The following RBFOX1 variants were observed in gnomAD, a reference collection of about 807,000 sequenced individuals.
RBFOX1 encodes the protein RNA binding protein fox-1 homolog 1.
In RBFOX1, 8 loss-of-function variants were observed where a neutral mutation model predicts 57.7. The ratio of observed to expected loss-of-function variants is 0.14; its 90% CI spans 0.08 to 0.25. The LOEUF is 0.25. Among genes scored for constraint, RBFOX1 ranks in the 10% least tolerant of loss-of-function variants. RBFOX1 has a pLI of 1.00. For missense variants in RBFOX1, 611 were observed against 548.5 expected, an observed-to-expected ratio of 1.11 and a Z score of -1.14; for synonymous variants, 326 against 222.4, an observed-to-expected ratio of 1.47 and a Z score of -4.15.
intron 4 of RBFOX1, among the ~76,000 whole-genome samples, chr16:7,297,829 T>C (rs949057220): frequency 1.3e-5 from 2 of 151,890 alleles, no homozygotes; most frequent in African/African-American, 4.8e-5. Context: ...TCCCCCCCAA[T>C]AGCCCCTCCT....
intron 3 of RBFOX1, among the ~76,000 whole-genome samples, chr16:6,829,096 C>G (rs939874551): frequency 1.6e-4 from 24 of 152,096 alleles, no homozygotes; most frequent in African/African-American, 4.3e-4. Flanking sequence ...GGGGACCTCC[C>G]CAAGCCCACT....
chr16:7,643,976 G>C (rs1348649247), intron 11 of RBFOX1, among the ~76,000 whole-genome samples: 1 of 152,162 alleles, frequency 6.6e-6, no homozygotes, highest in Admixed American at 6.5e-5. Flanking sequence ...TGATGAATTG[G>C]GGCTGGCTCT....
At chr16:6,351,362 A>G (rs1404619701) in intron 2 of RBFOX1, among the ~76,000 whole-genome samples, 9 of 96,012 alleles carry the variant, frequency 9.4e-5, no homozygotes, top group African/African-American at 1.6e-4. Flanking sequence ...GTATATATAT[A>G]TATATATATA....
At chr16:5,444,304 T>C (rs889196439) in intron 1 of RBFOX1, among the ~76,000 whole-genome samples, 1 of 152,216 alleles carries the variant, frequency 6.6e-6, no homozygotes. Context: ...AACATTTATA[T>C]TCAAATCTGA....
intron 1 of RBFOX1, among the ~76,000 whole-genome samples, chr16:6,111,948 C>T (rs1046257511): frequency 7.9e-5 from 12 of 152,084 alleles, no homozygotes; most frequent in African/African-American, 2.7e-4. Context: ...ACTTAAGAAA[C>T]ATATGCTAAA....
intron 2 of RBFOX1, among the ~76,000 whole-genome samples, chr16:6,542,862 A>C (rs76022245): frequency 0.027 from 4,108 of 152,018 alleles, 165 homozygotes; most frequent in South Asian, 0.074. Flanking sequence ...TAAGTCTGTA[A>C]ACTTCATTGG....
intron 1 of RBFOX1, among the ~76,000 whole-genome samples, chr16:5,332,354 G>C (rs2064778899): frequency 6.6e-6 from 1 of 151,888 alleles, no homozygotes; most frequent in Non-Finnish European, 1.5e-5. Context: ...TGCAACCTCT[G>C]CTTCCTGGGT....
chr16:7,169,553 G>A (rs1284194187), intron 4 of RBFOX1, among the ~76,000 whole-genome samples: 2 of 152,194 alleles, frequency 1.3e-5, no homozygotes, highest in African/African-American at 4.8e-5. Flanking sequence ...TAGAAAAACA[G>A]TGATGTACAT....
At chr16:5,483,597 A>G (rs2069622040) in intron 2 of RBFOX1, among the ~76,000 whole-genome samples, 1 of 152,192 alleles carries the variant, frequency 6.6e-6, no homozygotes, top group Admixed American at 6.5e-5. Context: ...AAATACGGTG[A>G]ACTTGCTACC....
chr16:6,394,118 T>C (rs1273145279), intron 2 of RBFOX1, among the ~76,000 whole-genome samples: 2 of 152,214 alleles, frequency 1.3e-5, no homozygotes, highest in African/African-American at 4.8e-5. Context: ...GCACTAGTGT[T>C]CCAAGCTTTG....
intron 3 of RBFOX1, among the ~76,000 whole-genome samples, chr16:5,677,246 G>C (rs1213343477): frequency 2.6e-5 from 4 of 152,238 alleles, no homozygotes; most frequent in Admixed American, 2.0e-4. Context: ...AGTATCACTA[G>C]AGAATAGGTA....
At chr16:6,787,253 C>T (rs1403462673) in intron 3 of RBFOX1, among the ~76,000 whole-genome samples, 1 of 152,140 alleles carries the variant, frequency 6.6e-6, no homozygotes, top group South Asian at 2.1e-4. Context: ...AGTTCCCTAA[C>T]TGATCGGCCC....
intron 1 of RBFOX1, among the ~76,000 whole-genome samples, chr16:5,257,460 C>G: frequency 6.6e-6 from 1 of 152,162 alleles, no homozygotes; most frequent in East Asian, 1.9e-4. Flanking sequence ...GTGCACAAGG[C>G]TGGTTTCTTC....
chr16:6,756,907 G>C (rs1425246457), intron 3 of RBFOX1, among the ~76,000 whole-genome samples: 1 of 152,080 alleles, frequency 6.6e-6, no homozygotes, highest in Non-Finnish European at 1.5e-5. Flanking sequence ...CCGAGGGGAT[G>C]GAGGTTGCAG....
chr16:6,654,687 A>G lies in RBFOX1; in HGVS notation c.-16+37A>G. 6 of 1,460,356 alleles carry G rather than the reference A, an allele frequency of 4.1e-6. 1 individual carries two copies. Among genetic ancestry groups the G allele is most frequent in the Middle Eastern group, 3.4e-4 (2 of 5,814 alleles). The allele number at this position is 1,460,356 out of a possible 1,614,324, so 90.5% of individuals were successfully genotyped here. On this transcript the variant is annotated intron_variant, in intron 3 of 15. Coordinates refer to ENST00000550418, the MANE Select transcript of RBFOX1 (RefSeq NM_018723.4). ...TTTTTCATTTTTAGGGTTGCAAACA[A>G]AACAAGAACTCTGTGAATTGAACCC...
chr16:5,717,831 A>G (rs2051772351), intron 3 of RBFOX1, among the ~76,000 whole-genome samples: 1 of 152,264 alleles, frequency 6.6e-6, no homozygotes. Flanking sequence ...CACAACCACT[A>G]TGTCAGATAG....
chr16:6,894,998 C>T (rs992751622), intron 3 of RBFOX1, among the ~76,000 whole-genome samples: 5 of 152,110 alleles, frequency 3.3e-5, no homozygotes, highest in East Asian at 1.9e-4. Context: ...CTGAAAATTA[C>T]CACTAAACAA....
intron 3 of RBFOX1, among the ~76,000 whole-genome samples, chr16:5,855,897 A>G (rs192866842): frequency 2.7e-5 from 4 of 148,338 alleles, no homozygotes; most frequent in Admixed American, 1.3e-4. Context: ...TCCTTCATCA[A>G]TATTTTATTA....
At chr16:6,439,577 G>T (rs947204139) in intron 2 of RBFOX1, among the ~76,000 whole-genome samples, 2 of 152,132 alleles carry the variant, frequency 1.3e-5, no homozygotes, top group African/African-American at 4.8e-5. Context: ...GTGTTGACTG[G>T]AGTTCAGTGC....
Sources: allele counts gnomAD v4.1 joint callset (sites outside exome capture counted in the v4.1 genomes callset), GRCh38; gene constraint gnomAD v4.1.1; transcripts MANE v1.5; gene names NCBI Gene and HGNC (gene_info 2026-07-23, HGNC 2026-07-21).